The following RUNX1T1 variants were observed in gnomAD, a reference collection of about 807,000 sequenced individuals.
RUNX1T1 encodes the protein RUNX1 partner transcriptional co-repressor 1.
A neutral mutation model predicts 62.8 loss-of-function variants in RUNX1T1; 4 were observed. The ratio of observed to expected loss-of-function variants is 0.06; its 90% CI spans 0.03 to 0.15. The LOEUF (loss-of-function observed/expected upper bound fraction) is 0.15, where lower values mean the gene tolerates loss of function less well. RUNX1T1 is among the 10% of genes least tolerant of loss of function. The pLI, the probability that RUNX1T1 is intolerant of heterozygous loss-of-function variation, is 1.00. For synonymous variants in RUNX1T1, 291 were observed against 286.0 expected, an observed-to-expected ratio of 1.02 and a Z score of -0.18; for missense variants, 508 against 754.3, an observed-to-expected ratio of 0.67 and a Z score of 3.82.
intron 2 of RUNX1T1, among the ~76,000 whole-genome samples, chr8:92,015,223 G>A (rs1822758572): frequency 6.6e-6 from 1 of 152,184 alleles, no homozygotes; most frequent in South Asian, 2.1e-4. Flanking sequence ...TAGAGAAAGT[G>A]TACATTTGGT....
chr8:92,035,504 A>C (rs1458054671), intron 1 of RUNX1T1, among the ~76,000 whole-genome samples: 1 of 152,046 alleles, frequency 6.6e-6, no homozygotes, highest in Non-Finnish European at 1.5e-5. Context: ...ATAAAAAAAA[A>C]TTTTAAAGGC....
At chr8:92,102,648 G>A (rs1277760881), upstream of RUNX1T1, among the ~76,000 whole-genome samples, 3 of 152,174 alleles carry the variant, frequency 2.0e-5, no homozygotes, top group Non-Finnish European at 4.4e-5. The surrounding 1 kb of genome is among the most constrained non-coding windows in gnomAD (Gnocchi z 4.5). Context: ...GACCCGCGAA[G>A]TTCAGTGTCA....
intron 10 of RUNX1T1, among the ~76,000 whole-genome samples, chr8:91,967,204 G>A (rs10093292): frequency 0.021 from 3,144 of 152,232 alleles, 105 homozygotes; most frequent in African/African-American, 0.072. Context: ...ATCGTAGGTC[G>A]TCTTATTTCA....
intron 1 of RUNX1T1, among the ~76,000 whole-genome samples, chr8:92,021,521 C>T (rs1824090940): frequency 6.6e-6 from 1 of 152,082 alleles, no homozygotes; most frequent in Admixed American, 6.5e-5. Context: ...TGCTAAGAAT[C>T]ATGAAATGAC....
chr8:92,057,107 A>C (rs995221786), intron 1 of RUNX1T1, among the ~76,000 whole-genome samples: 1 of 152,224 alleles, frequency 6.6e-6, no homozygotes, highest in Admixed American at 6.5e-5. Flanking sequence ...TACACAGAGA[A>C]ATAACCAGCA....
At chr8:92,000,179 C>T (rs1176153341) in intron 5 of RUNX1T1, among the ~76,000 whole-genome samples, 1 of 151,896 alleles carries the variant, frequency 6.6e-6, no homozygotes, top group Non-Finnish European at 1.5e-5. Context: ...TGGTGGCAGG[C>T]ATCTGATACC....
chr8:92,096,779 A>T (rs2130942946), intron 1 of RUNX1T1, among the ~76,000 whole-genome samples: 1 of 152,294 alleles, frequency 6.6e-6, no homozygotes, highest in Middle Eastern at 3.4e-3. Context: ...AGAAAGGAAT[A>T]AAATGGGGAT....
intron 1 of RUNX1T1, among the ~76,000 whole-genome samples, chr8:92,079,436 G>A (rs547370119): frequency 6.6e-6 from 1 of 152,232 alleles, no homozygotes; most frequent in East Asian, 1.9e-4. Flanking sequence ...GTAAGCAATT[G>A]TGTGTCCCTC....
At chr8:92,019,386 C>T (rs1274722990) in intron 1 of RUNX1T1, among the ~76,000 whole-genome samples, 2 of 151,588 alleles carry the variant, frequency 1.3e-5, no homozygotes, top group African/African-American at 2.4e-5. Flanking sequence ...ATTTGAAGCA[C>T]GTGGTTGCAC....
At chr8:92,061,684 A>G (rs1832055594) in intron 1 of RUNX1T1, among the ~76,000 whole-genome samples, 1 of 152,212 alleles carries the variant, frequency 6.6e-6, no homozygotes, top group Admixed American at 6.5e-5. Context: ...TGTGAGGTGT[A>G]CAAACTCTGT....
At chr8:91,986,941 A>G in exon 7 of RUNX1T1, 5 of 1,612,926 alleles carry the variant, frequency 3.1e-6, no homozygotes, top group Non-Finnish European at 4.2e-6. Flanking sequence ...GTCTGTGATC[A>G]ATCATTTCTT....
At chr8:92,041,235 ATG>A (rs1364550373) in intron 1 of RUNX1T1, among the ~76,000 whole-genome samples, 2 of 86,790 alleles carry the variant, frequency 2.3e-5, no homozygotes, top group African/African-American at 1.2e-4. Flanking sequence ...GCCAAGGGGC[ATG>A]CATGATTTCA....
rs1810195398 is a variant in RUNX1T1 at position 91,960,522 on chromosome 8, A to G, written c.1459-5T>C. 6.2e-7 allele frequency: 1 copy of G among 1,613,432 alleles called. No individual in the cohort carries two copies. The highest frequency in any genetic ancestry group is 8.5e-7 in the Non-Finnish European group (1 of 1,179,606). On this transcript the variant is annotated splice_region_variant and splice_polypyrimidine_tract_variant and intron_variant, in intron 10 of 10. Coordinates refer to ENST00000396218, the Ensembl canonical transcript of RUNX1T1. ...ACGGCCACAATTCCAGCAACTCTAAAGGAGAAGGCAGAAGAAAGCAAGATC... is the reference window on the plus strand; with the variant it reads ...ACGGCCACAATTCCAGCAACTCTAAGGGAGAAGGCAGAAGAAAGCAAGATC...
At chr8:92,013,928 A>G (rs542370191) in intron 3 of RUNX1T1, among the ~76,000 whole-genome samples, 212 of 152,270 alleles carry the variant, frequency 1.4e-3, no homozygotes, top group African/African-American at 4.9e-3. Context: ...TGAGGTGATG[A>G]AAAAGTTCTG....
chr8:92,037,058 A>G (rs1411978335), intron 1 of RUNX1T1, among the ~76,000 whole-genome samples: 2 of 152,226 alleles, frequency 1.3e-5, no homozygotes, highest in African/African-American at 2.4e-5. Context: ...AACTTCATAT[A>G]CATACCTACA....
intron 1 of RUNX1T1, among the ~76,000 whole-genome samples, chr8:92,048,595 A>G (rs983993162): frequency 3.9e-5 from 6 of 152,004 alleles, no homozygotes; most frequent in African/African-American, 1.5e-4. Context: ...GGGTGGGGAA[A>G]AGTAAGAAGA....
upstream of RUNX1T1, chr8:92,102,983 A>G (rs1386232565): frequency 7.4e-7 from 1 of 1,343,974 alleles, no homozygotes; most frequent in Non-Finnish European, 9.8e-7. This position sits in a 1 kb window ranked among gnomAD's most constrained non-coding sequence, Gnocchi z 4.5. Context: ...TCGCGAGGCC[A>G]GAGTGTCCGC....
intron 4 of RUNX1T1, chr8:92,005,541 A>G (rs1034765513): frequency 1.1e-5 from 5 of 469,970 alleles, no homozygotes; most frequent in African/African-American, 1.0e-4. Context: ...TTCTTCACTG[A>G]TAACATTGCA....
downstream of RUNX1T1, chr8:91,956,970 TA>T (rs376835776): frequency 0.1 from 10,181 of 99,668 alleles, 157 homozygotes; most frequent in East Asian, 0.2. Context: ...CACCTACACA[TA>T]AAAAAAAAAA....
Sources: allele counts gnomAD v4.1 joint callset (sites outside exome capture counted in the v4.1 genomes callset), GRCh38; gene constraint gnomAD v4.1.1; non-coding constraint Gnocchi (gnomAD v3.1); transcripts MANE v1.5; gene names NCBI Gene and HGNC (gene_info 2026-07-23, HGNC 2026-07-21).